MAEA: variants seen among roughly 807,000 people sequenced by gnomAD.
The protein encoded by MAEA is E3 ubiquitin-protein transferase MAEA.
MAEA carries 22 observed loss-of-function variants against 46.2 expected under a neutral mutation model. The observed-to-expected ratio is 0.48, with a 90% CI of 0.34 to 0.68. The LOEUF (loss-of-function observed/expected upper bound fraction) is 0.68, where lower values mean the gene tolerates loss of function less well. MAEA is among the 30% of genes least tolerant of loss of function. The pLI is 0.01. For missense variants in MAEA, 393 were observed against 558.1 expected (o/e 0.70, Z 2.98); for synonymous variants, 246 against 222.6 (o/e 1.11, Z -0.94).
intron 3 of MAEA, among the ~76,000 whole-genome samples, chr4:1,320,300 A>T (rs917792200): frequency 6.6e-6 from 1 of 151,822 alleles, no homozygotes; most frequent in Admixed American, 6.6e-5. Flanking sequence ...ATCAAAGCAA[A>T]CGTGCAAGAA....
At chr4:1,314,841 G>T (rs535669929) in intron 2 of MAEA, among the ~76,000 whole-genome samples, 1 of 152,188 alleles carries the variant, frequency 6.6e-6, no homozygotes, top group East Asian at 1.9e-4. Flanking sequence ...AAGCCAGCCC[G>T]GATCCTGGAT....
intron 1 of MAEA, among the ~76,000 whole-genome samples, chr4:1,303,232 CA>C (rs71168823): frequency 0.045 from 2,966 of 65,648 alleles, 52 homozygotes; most frequent in East Asian, 0.16. Context: ...ACTAAAAATA[CA>C]AAAAAAAAAA....
Position 1,289,933 on chromosome 4 carries a change from C to A in MAEA, c.20C>A (p.Ala7Glu), listed in dbSNP as rs752022828. The change falls in exon 1 of 9, where the codon GCG becomes GAG. Residue 7 changes from alanine to glutamate, a missense_variant. Physicochemically the swap from Ala to Glu is moderately radical, Grantham distance 107. Around this residue, in one of 2 missense-constraint regions of MAEA, gnomAD observed 35 missense variants for 20.1 expected, o/e 1.74. Coordinates refer to ENST00000303400, the MANE Select transcript of MAEA (RefSeq NM_001017405.3). MAVQES[A>E]AQLSMTLKVQ... ...TTCAAGATGGCGGTGCAGGAGTCGG[C>A]GGCTCAGTTGTCCATGACCCTGAAG... The A allele has an allele frequency of 2.5e-6, 4 of 1,600,530 alleles. No individual in the cohort carries two copies. The highest frequency in any genetic ancestry group is 1.3e-5 in the African/African-American group (1 of 74,374).
At chr4:1,332,697 C>T in intron 5 of MAEA, 60 bp from the exon 6 acceptor site, 3 of 1,342,752 alleles carry the variant, frequency 2.2e-6, no homozygotes, top group South Asian at 1.3e-5. Flanking sequence ...GAGTGAAACC[C>T]TGTCTCTAAA....
rs931752874 is a variant in MAEA at position 1,312,316 on chromosome 4, C to T, written c.252+155C>T. 143 of 777,928 alleles carry T rather than the reference C, an allele frequency of 1.8e-4. No individual in the cohort carries two copies. The East Asian group carries it at 3.0e-3, about 17-fold the overall frequency. The allele number at this position is 777,928 out of a possible 1,614,324, so 48.2% of individuals were successfully genotyped here. ...GCTGTCTGCCTTCTGGGGCCACTGT[C>T]GGCTGAGCAGGCCAGCTTCCTGTTC... On this transcript the variant is annotated intron_variant, in intron 2 of 8. Transcript: ENST00000303400.
intron 1 of MAEA, among the ~76,000 whole-genome samples, chr4:1,291,060 C>T (rs533855111): frequency 1.3e-5 from 2 of 152,282 alleles, no homozygotes; most frequent in South Asian, 2.1e-4. Context: ...TTAAAAGGTC[C>T]CTGCTACAGT....
chr4:1,319,220 G>T (rs1737695470), intron 3 of MAEA, among the ~76,000 whole-genome samples: 1 of 152,090 alleles, frequency 6.6e-6, no homozygotes, highest in Non-Finnish European at 1.5e-5. Flanking sequence ...GGGAGTGTTG[G>T]TGGGTGCCTG....
intron 1 of MAEA, among the ~76,000 whole-genome samples, chr4:1,293,985 C>T (rs59669372): frequency 0.065 from 9,879 of 152,268 alleles, 1,027 homozygotes; most frequent in African/African-American, 0.22. Flanking sequence ...GTGTGAGAAA[C>T]ACAGGCAACC....
rs147030408 is a variant in MAEA, at chr4:1,316,487, A to G, written c.456+887A>G. Among the ~76,000 whole-genome samples, 537 of 152,254 alleles carry G rather than the reference A, an allele frequency of 3.5e-3. 3 individuals are homozygous for G. Among genetic ancestry groups the G allele is most frequent in the African/African-American group, 0.012 (486 of 41,536 alleles). On this transcript the variant is annotated intron_variant, in intron 3 of 8. Transcript: ENST00000303400. ...AGATGACAACACTTGAGAACCTCTC[A>G]GGCAGGACTTGTGCGAGAGGATTGT...
intron 7 of MAEA, 38 bp from the exon 8 acceptor site, chr4:1,338,384 C>T: frequency 6.4e-7 from 1 of 1,569,172 alleles, no homozygotes; most frequent in Non-Finnish European, 8.7e-7. Flanking sequence ...CCCGGCTGCC[C>T]TGAGTGGCCC....
intron 1 of MAEA, among the ~76,000 whole-genome samples, chr4:1,305,339 T>C (rs1400737410): frequency 7.9e-5 from 12 of 152,166 alleles, no homozygotes; most frequent in Non-Finnish European, 1.8e-4. Flanking sequence ...GGAGCCTGCT[T>C]GTGCTGCTGT....
intron 1 of MAEA, among the ~76,000 whole-genome samples, chr4:1,290,245 C>G (rs986330349): frequency 1.3e-5 from 2 of 152,118 alleles, no homozygotes; most frequent in African/African-American, 4.8e-5. Context: ...ACGACTCTGG[C>G]AGCGCTAAGG....
intron 3 of MAEA, among the ~76,000 whole-genome samples, chr4:1,320,149 A>G (rs936327704): frequency 6.7e-6 from 1 of 149,176 alleles, no homozygotes; most frequent in Non-Finnish European, 1.5e-5. Flanking sequence ...AGAATCATCA[A>G]AGCAAACATG....
rs780952524 is a variant in MAEA, at chr4:1,295,051, C to T, written c.69+5069C>T. On this transcript the variant is annotated intron_variant, in intron 1 of 8. Coordinates refer to ENST00000303400, the MANE Select transcript of MAEA (RefSeq NM_001017405.3). Reference sequence around the variant, plus strand: ...TGAGACTGGGTGCTGGGCAGTGACTCGGTCTGTGGGTACAGGGGTCAGCAG... The same window carrying T: ...TGAGACTGGGTGCTGGGCAGTGACTTGGTCTGTGGGTACAGGGGTCAGCAG... Among the ~76,000 whole-genome samples the T allele has an allele frequency of 3.9e-5, 6 of 152,168 alleles. 1 individual carries two copies. The highest frequency in any genetic ancestry group is 4.4e-5 in the Non-Finnish European group (3 of 67,994).
At chr4:1,330,129 G>A in intron 5 of MAEA, 1 of 985,440 alleles carries the variant, frequency 1.0e-6, no homozygotes, top group Non-Finnish European at 1.2e-6. Context: ...AGTATGAGCT[G>A]CTAGTGATTA....
At chr4:1,328,705 G>T in intron 5 of MAEA, 1 of 1,274,346 alleles carries the variant, frequency 7.8e-7, no homozygotes, top group Non-Finnish European at 1.0e-6. Context: ...AGGTGCTGAG[G>T]GTGGTCCCCA....
intron 4 of MAEA, among the ~76,000 whole-genome samples, chr4:1,323,075 T>C (rs1291335000): frequency 1.3e-5 from 2 of 149,214 alleles, no homozygotes; most frequent in Non-Finnish European, 3.0e-5. Context: ...GCCTCCTGAG[T>C]AGCTGGGATT....
intron 3 of MAEA, among the ~76,000 whole-genome samples, chr4:1,316,096 C>T (rs1177967801): frequency 2.0e-5 from 3 of 152,108 alleles, no homozygotes; most frequent in Non-Finnish European, 2.9e-5. Flanking sequence ...CGCCCGATAC[C>T]TGTACCCCGG....
chr4:1,298,553 G>A (rs959238366), intron 1 of MAEA, among the ~76,000 whole-genome samples: 1 of 152,158 alleles, frequency 6.6e-6, no homozygotes, highest in African/African-American at 2.4e-5. Context: ...CTATAGTCAG[G>A]GCACCAGGTA....
Sources: gnomAD v4.1 joint callset for allele counts (sites outside exome capture counted in the v4.1 genomes callset) on GRCh38, gnomAD v4.1.1 for gene constraint, gnomAD v4.1.1 regional missense constraint, MANE v1.5 for transcripts, NCBI Gene and HGNC (gene_info 2026-07-23, HGNC 2026-07-21) for gene names.